SDCCAG8: variants seen among roughly 807,000 people sequenced by gnomAD.
SDCCAG8 encodes SHH signaling and ciliogenesis regulator SDCCAG8, also known as serologically defined colon cancer antigen 8.
SDCCAG8 carries 74 observed loss-of-function variants against 101.8 expected under a neutral mutation model. That is an observed-to-expected ratio of 0.73 (90% CI 0.60 to 0.88). The LOEUF is 0.88. SDCCAG8 is among the 40% of genes least tolerant of loss of function. The pLI is 0.00. For synonymous variants in SDCCAG8, 281 were observed against 292.9 expected (o/e 0.96, Z 0.41); for missense variants, 787 against 822.6 (o/e 0.96, Z 0.53).
At chr1:243,404,658 G>A (rs2147983051) in intron 13 of SDCCAG8, among the ~76,000 whole-genome samples, 1 of 152,256 alleles carries the variant, frequency 6.6e-6, no homozygotes, top group East Asian at 1.9e-4. Context: ...AAGACGGAGA[G>A]GTTACAGAGT....
At chr1:243,420,473 C>T (rs777198292) in intron 15 of SDCCAG8, among the ~76,000 whole-genome samples, 5 of 152,054 alleles carry the variant, frequency 3.3e-5, no homozygotes, top group Admixed American at 6.6e-5. Context: ...TGTCATTTTC[C>T]GACGGACATA....
At chr1:243,468,546 G>A (rs1288142829) in intron 16 of SDCCAG8, among the ~76,000 whole-genome samples, 1 of 152,188 alleles carries the variant, frequency 6.6e-6, no homozygotes, top group Admixed American at 6.5e-5. Flanking sequence ...ATGCGGCCAG[G>A]TGCAATGGCT....
rs371222377 is a variant in SDCCAG8 at position 243,460,467 on chromosome 1, C to T, written c.1986-28547C>T. 3.4e-4 allele frequency among the ~76,000 whole-genome samples: 52 copies of T among 152,248 alleles called. No homozygotes were observed. In the East Asian group the frequency reaches 8.3e-3, roughly 24 times the overall value. On this transcript the variant is annotated intron_variant, in intron 16 of 17. Transcript: ENST00000366541. The stretch of plus-strand genomic sequence containing the variant: ...CAACTCACAGTGTGACTGATCACCA[C>T]GCCAGTCATGTCAAAACTGGACATT...
chr1:243,480,616 A>G (rs1196704189), intron 16 of SDCCAG8, among the ~76,000 whole-genome samples: 1 of 82,560 alleles, frequency 1.2e-5, no homozygotes, highest in Non-Finnish European at 2.3e-5. Context: ...GGATGGATGG[A>G]TGGGTGGTAT....
chr1:243,372,267 A>G (rs2077335706), intron 12 of SDCCAG8, among the ~76,000 whole-genome samples: 1 of 152,020 alleles, frequency 6.6e-6, no homozygotes, highest in Non-Finnish European at 1.5e-5. Flanking sequence ...ACTTGCGAGG[A>G]TTTTTGGATC....
intron 1 of SDCCAG8, chr1:243,267,242 T>TA (rs36005780): frequency 0.29 from 46,996 of 162,694 alleles, 6,119 homozygotes; most frequent in South Asian, 0.44. Context: ...GACTCCGTCT[T>TA]AAAAAAAAAA....
intron 5 of SDCCAG8, among the ~76,000 whole-genome samples, chr1:243,286,920 T>G (rs1404930281): frequency 6.6e-6 from 1 of 152,208 alleles, no homozygotes; most frequent in Non-Finnish European, 1.5e-5. Context: ...TGTCCTTTAT[T>G]TCTTTATTGG....
At chr1:243,432,926 A>G (rs2081889797) in intron 16 of SDCCAG8, among the ~76,000 whole-genome samples, 1 of 152,074 alleles carries the variant, frequency 6.6e-6, no homozygotes, top group Admixed American at 6.6e-5. Flanking sequence ...ATGTGTTTCT[A>G]TGGAGGGGGT....
chr1:243,308,884 C>G (rs2149320690), intron 8 of SDCCAG8, among the ~76,000 whole-genome samples: 2 of 152,226 alleles, frequency 1.3e-5, no homozygotes, highest in Middle Eastern at 6.8e-3. Flanking sequence ...CTTCCATGCC[C>G]CCTACTTTTC....
chr1:243,390,024 TG>T (rs1553338149), intron 13 of SDCCAG8, among the ~76,000 whole-genome samples: 4 of 152,120 alleles, frequency 2.6e-5, no homozygotes, highest in African/African-American at 9.7e-5. Context: ...AACAAAAAGT[TG>T]GGGGGAACTC....
chr1:243,377,917 GATAA>G (rs1329263832), intron 12 of SDCCAG8, among the ~76,000 whole-genome samples: 7 of 146,138 alleles, frequency 4.8e-5, no homozygotes, highest in Admixed American at 6.9e-5. Flanking sequence ...ATGTTCTATT[GATAA>G]ATAAATATTT....
chr1:243,452,414 C>CTCTT (rs1558489319), intron 16 of SDCCAG8, among the ~76,000 whole-genome samples: 1 of 66,654 alleles, frequency 1.5e-5, no homozygotes, highest in African/African-American at 5.9e-5. Flanking sequence ...GATCTCATCT[C>CTCTT]TTTTTTTTTT....
intron 6 of SDCCAG8, chr1:243,293,465 C>T (rs945870801): frequency 4.8e-6 from 3 of 623,356 alleles, no homozygotes; most frequent in Non-Finnish European, 8.9e-6. Context: ...CCCTCCCTGC[C>T]AACCCCTGAT....
chr1:243,426,618 T>A, intron 16 of SDCCAG8, 60 bp downstream of exon 16: 4 of 1,598,290 alleles, frequency 2.5e-6, no homozygotes, highest in Non-Finnish European at 3.4e-6. Flanking sequence ...GTTTACACAC[T>A]GAAGGGGAAT....
At chr1:243,294,706 C>T (rs1013011922) in intron 6 of SDCCAG8, among the ~76,000 whole-genome samples, 17 of 127,258 alleles carry the variant, frequency 1.3e-4, no homozygotes, top group Non-Finnish European at 1.9e-4. Context: ...TCCCCCCCCC[C>T]CCCACAGCTG....
At chr1:243,483,781 T>C (rs1047580587) in intron 16 of SDCCAG8, among the ~76,000 whole-genome samples, 1 of 152,096 alleles carries the variant, frequency 6.6e-6, no homozygotes, top group Non-Finnish European at 1.5e-5. Context: ...ACTCTCAGTG[T>C]CTTGCCGGAT....
At chr1:243,362,053 G>A (rs999668392) in intron 12 of SDCCAG8, among the ~76,000 whole-genome samples, 1 of 141,406 alleles carries the variant, frequency 7.1e-6, no homozygotes, top group African/African-American at 2.6e-5. Context: ...ATGGATAGGT[G>A]GGTGAAGAGA....
At chr1:243,322,096 A>C (rs889459100) in intron 9 of SDCCAG8, among the ~76,000 whole-genome samples, 3 of 152,348 alleles carry the variant, frequency 2.0e-5, no homozygotes, top group African/African-American at 7.2e-5. Context: ...TCTTTGAGAA[A>C]TCTCTGTTAA....
chr1:243,406,865 A>G (rs1227702026), intron 13 of SDCCAG8, among the ~76,000 whole-genome samples: 2 of 152,056 alleles, frequency 1.3e-5, no homozygotes, highest in African/African-American at 2.4e-5. Context: ...ACTTGTAATA[A>G]TCTTCTTTAT....
Sources: gnomAD v4.1 joint callset for allele counts (sites outside exome capture counted in the v4.1 genomes callset) on GRCh38, gnomAD v4.1.1 for gene constraint, MANE v1.5 for transcripts, NCBI Gene and HGNC (gene_info 2026-07-23, HGNC 2026-07-21) for gene names.